Variants in LINGO2 observed in about 807,000 individuals in gnomAD.
LINGO2 encodes the protein leucine rich repeat and Ig domain containing 2.
In LINGO2, 14 loss-of-function variants were observed where a neutral mutation model predicts 30.6. The ratio of observed to expected loss-of-function variants is 0.46; its 90% confidence interval spans 0.30 to 0.72. LINGO2 has a LOEUF of 0.72. LINGO2 is among the 30% of genes least tolerant of loss of function. The probability of loss-of-function intolerance (pLI) is 0.07; values close to 1 mark genes in which losing one functional copy is unlikely to be tolerated. For synonymous variants in LINGO2, 317 were observed against 288.5 expected (o/e 1.10, Z -1.00); for missense variants, 729 against 751.7 (o/e 0.97, Z 0.35).
In LINGO2 at chr9:27,950,721, C is replaced by A; in HGVS notation, c.-35-15G>T. 1.4e-6 allele frequency: 2 copies of A among 1,411,198 alleles called. No homozygotes were observed. Among genetic ancestry groups the A allele is most frequent in the Non-Finnish European group, 1.9e-6 (2 of 1,067,296 alleles). 87.4% of individuals were successfully genotyped at this position (1,411,198 alleles called of 1,614,324 possible). On this transcript the variant is annotated splice_polypyrimidine_tract_variant and intron_variant, in intron 5 of 5. Transcript: ENST00000379992. ...TGGTCACGGGTCTGCATGGAAGGGA[C>A]ACAAGAAGGGAGGAAGAGAAGGTGA... is the stretch of plus-strand genomic sequence containing the variant.
chr9:28,836,130 A>C, the LINGO2 span, among the ~76,000 whole-genome samples: 1 of 152,208 alleles, frequency 6.6e-6, no homozygotes, highest in Non-Finnish European at 1.5e-5. Context: ...GAAACGATCC[A>C]AACTGCGGAG....
Position 28,188,834 on chromosome 9 carries a change from C to T in LINGO2, c.-87+106374G>A, listed in dbSNP as rs971106333. ...GCTGCTGTGACAACATCATCATTTA[C>T]GTGTAATTACCATGACACAATATGC... is the stretch of plus-strand genomic sequence containing the variant. On this transcript the variant is annotated intron_variant, in intron 4 of 5. Transcript: ENST00000379992. Among the ~76,000 whole-genome samples, 8 of 152,250 alleles carry T rather than the reference C, an allele frequency of 5.3e-5. No individual in the cohort carries two copies. The South Asian group carries it at 1.0e-3, about 20-fold the overall frequency.
chr9:28,847,864 TATAC>T, the LINGO2 span, among the ~76,000 whole-genome samples: 123 of 122,976 alleles, frequency 1.0e-3, 3 homozygotes, highest in African/African-American at 3.6e-3. Flanking sequence ...ATATATACTA[TATAC>T]ATATACAGTA....
intron 4 of LINGO2, among the ~76,000 whole-genome samples, chr9:28,252,357 C>T (rs1822231883): frequency 6.6e-6 from 1 of 152,022 alleles, no homozygotes; most frequent in Non-Finnish European, 1.5e-5. Flanking sequence ...TCCTGAGTAG[C>T]TGGGACTACA....
the LINGO2 span, among the ~76,000 whole-genome samples, chr9:28,987,032 A>G: frequency 7.0e-6 from 1 of 143,616 alleles, no homozygotes; most frequent in East Asian, 2.0e-4. Context: ...TTGACTTTGT[A>G]TCCTGTAATA....
chr9:28,511,390 G>C (rs913006774), intron 1 of LINGO2, among the ~76,000 whole-genome samples: 5 of 152,094 alleles, frequency 3.3e-5, no homozygotes, highest in African/African-American at 1.2e-4. Flanking sequence ...CTGGAAAATG[G>C]GGCACTCAGC....
chr9:28,830,915 G>C, the LINGO2 span, among the ~76,000 whole-genome samples: 3 of 152,112 alleles, frequency 2.0e-5, no homozygotes, highest in Non-Finnish European at 2.9e-5. Context: ...CACACACACA[G>C]ACACTCACAC....
At position 28,662,977 on chromosome 9, in the gene LINGO2, G is replaced by A. The variant is rs75233628; in HGVS notation, c.-365+7223C>T. Among the ~76,000 whole-genome samples, 1,410 of 152,146 alleles carry A rather than the reference G, an allele frequency of 9.3e-3. 29 individuals are homozygous for A. Among genetic ancestry groups the A allele is most frequent in the East Asian group, 0.08 (412 of 5,156 alleles). On this transcript the variant is annotated intron_variant, in intron 1 of 5. Transcript: ENST00000379992. The stretch of plus-strand genomic sequence containing the variant: ...ATTAACAAAGTTTCACACATCAAGG[G>A]TAGATGTGTGAGGGTTCAAGGGAGT...
chr9:29,084,381 T>C, the LINGO2 span, among the ~76,000 whole-genome samples: 5 of 152,250 alleles, frequency 3.3e-5, no homozygotes, highest in African/African-American at 1.2e-4. Flanking sequence ...AAGGAACACC[T>C]ATTCTAATGA....
the LINGO2 span, among the ~76,000 whole-genome samples, chr9:28,709,009 C>T: frequency 4.9e-4 from 74 of 152,108 alleles, 1 homozygote; most frequent in African/African-American, 1.8e-3. Flanking sequence ...ACATTTTAAC[C>T]ATTTTTCCTC....
At chr9:28,606,582 CT>C (rs1477730057) in intron 1 of LINGO2, among the ~76,000 whole-genome samples, 1 of 151,946 alleles carries the variant, frequency 6.6e-6, no homozygotes, top group African/African-American at 2.4e-5. Context: ...ATTTGTTTGT[CT>C]TGATACAATC....
Position 28,576,350 on chromosome 9 carries a change from T to C in LINGO2, c.-365+93850A>G, listed in dbSNP as rs150880956. On this transcript the variant is annotated intron_variant, in intron 1 of 5. Coordinates refer to ENST00000379992, the Ensembl canonical transcript of LINGO2. Reference sequence around the variant, plus strand: ...TTTCTGCTAAATGCATTATCACTTTTGCACCATGGTAAACTAAAAAAATCA... The same window carrying C: ...TTTCTGCTAAATGCATTATCACTTTCGCACCATGGTAAACTAAAAAAATCA... Among the ~76,000 whole-genome samples the C allele has an allele frequency of 2.6e-3, 395 of 152,346 alleles. 3 individuals are homozygous for C. The highest frequency in any genetic ancestry group is 9.1e-3 in the African/African-American group (378 of 41,576).
At chr9:28,797,359 T>TATATATATATATATATAGAGAGAG in the LINGO2 span, among the ~76,000 whole-genome samples, 1 of 34,206 alleles carries the variant, frequency 2.9e-5, no homozygotes, top group African/African-American at 9.6e-5. Flanking sequence ...TATATATATA[T>TATATATATATATATATAGAGAGAG]AGAGAGAGAG....
At chr9:28,844,964 C>G in the LINGO2 span, among the ~76,000 whole-genome samples, 1 of 151,834 alleles carries the variant, frequency 6.6e-6, no homozygotes, top group South Asian at 2.1e-4. Context: ...CCATTGTATA[C>G]AGAAAATCAT....
the LINGO2 span, among the ~76,000 whole-genome samples, chr9:28,847,874 C>T: frequency 8.5e-6 from 1 of 117,926 alleles, no homozygotes. Flanking sequence ...TATACATATA[C>T]AGTATATATA....
chr9:28,201,842 C>A lies in LINGO2; in HGVS notation c.-87+93366G>T, dbSNP rs373530894. On this transcript the variant is annotated intron_variant, in intron 4 of 5. Transcript: ENST00000379992. Reference sequence around the variant, plus strand: ...TCCTCCCCCTATTTAAATTCCTCTACAACCTTCATAAGAGAACTCAGAATA... The same window carrying A: ...TCCTCCCCCTATTTAAATTCCTCTAAAACCTTCATAAGAGAACTCAGAATA... Among the ~76,000 whole-genome samples, 51 of 152,062 alleles carry A rather than the reference C, an allele frequency of 3.4e-4. No homozygotes were observed. In the East Asian group the frequency reaches 7.7e-3, roughly 23 times the overall value.
At chr9:29,210,307 C>CT in the LINGO2 span, among the ~76,000 whole-genome samples, 1 of 152,152 alleles carries the variant, frequency 6.6e-6, no homozygotes, top group African/African-American at 2.4e-5. Flanking sequence ...GAAAACTTCC[C>CT]TTATACATCA....
the LINGO2 span, among the ~76,000 whole-genome samples, chr9:29,128,614 T>C: frequency 6.6e-6 from 1 of 152,084 alleles, no homozygotes; most frequent in African/African-American, 2.4e-5. Context: ...GAATGTTCTT[T>C]GGAGTTTAAA....
At chr9:29,011,705 T>G in the LINGO2 span, among the ~76,000 whole-genome samples, 3 of 152,162 alleles carry the variant, frequency 2.0e-5, no homozygotes, top group Non-Finnish European at 2.9e-5. Context: ...TCATCTACAT[T>G]GACATACTAT....
Sources: gnomAD v4.1 joint callset for allele counts (sites outside exome capture counted in the v4.1 genomes callset) on GRCh38, gnomAD v4.1.1 for gene constraint, MANE v1.5 for transcripts, NCBI Gene and HGNC (gene_info 2026-07-23, HGNC 2026-07-21) for gene names.